RGS5: variants seen among roughly 807,000 people sequenced by gnomAD.
RGS5 encodes the protein regulator of G protein signaling 5.
A neutral mutation model predicts 18.9 loss-of-function variants in RGS5; 20 were observed. That is an observed-to-expected ratio of 1.06 (90% CI 0.74 to 1.54). The LOEUF (loss-of-function observed/expected upper bound fraction) is 1.54. Ranked by LOEUF, RGS5 falls within the 40% of genes most tolerant of loss-of-function variation. RGS5 has a pLI of 0.00. For missense variants in RGS5, 201 were observed against 211.8 expected (o/e 0.95, Z 0.32); for synonymous variants, 57 against 76.2 (o/e 0.75, Z 1.31).
intron 1 of RGS5, among the ~76,000 whole-genome samples, chr1:163,208,644 T>C (rs1196119140): frequency 4.6e-5 from 7 of 150,816 alleles, no homozygotes; most frequent in Admixed American, 2.0e-4. Context: ...AAGGGTATAA[T>C]TGACATAAAC....
At chr1:163,247,397 T>C in intron 2 of RGS5, among the ~76,000 whole-genome samples, 1 of 152,122 alleles carries the variant, frequency 6.6e-6, no homozygotes. Context: ...CCGTATTATC[T>C]GTGACAGGGG....
chr1:163,224,062 A>G (rs1647283101), intron 2 of RGS5, among the ~76,000 whole-genome samples: 1 of 152,172 alleles, frequency 6.6e-6, no homozygotes, highest in Non-Finnish European at 1.5e-5. Flanking sequence ...CCTTGTGGCG[A>G]GAACATTCAA....
chr1:163,264,637 C>T (rs1337220048), intron 2 of RGS5, among the ~76,000 whole-genome samples: 2 of 152,152 alleles, frequency 1.3e-5, no homozygotes, highest in East Asian at 3.9e-4. Context: ...CCTTCTTCCA[C>T]TTTAATAATT....
intron 1 of RGS5, among the ~76,000 whole-genome samples, chr1:163,169,984 T>C (rs1489488842): frequency 1.3e-5 from 2 of 152,292 alleles, no homozygotes; most frequent in East Asian, 3.9e-4. Flanking sequence ...TTCTGGGTAC[T>C]CCTCCATCAC....
intron 4 of RGS5, among the ~76,000 whole-genome samples, chr1:163,148,204 G>A (rs373654753): frequency 4.6e-5 from 7 of 152,126 alleles, no homozygotes; most frequent in African/African-American, 1.7e-4. Context: ...TGGGATTACA[G>A]GTGTGAGCCA....
intron 1 of RGS5, among the ~76,000 whole-genome samples, chr1:163,209,462 A>C (rs946453920): frequency 6.6e-6 from 1 of 152,216 alleles, no homozygotes; most frequent in African/African-American, 2.4e-5. Flanking sequence ...AAATGAATTT[A>C]GGGAGAACTG....
intron 2 of RGS5, among the ~76,000 whole-genome samples, chr1:163,284,274 G>T (rs1649079609): frequency 6.6e-6 from 1 of 152,072 alleles, no homozygotes; most frequent in Non-Finnish European, 1.5e-5. Flanking sequence ...CCCATCTCTT[G>T]TTATCATTCA....
rs1455766459 is a variant in RGS5 at position 163,305,171 on chromosome 1, AG to A, written c.-281+1061del. ...TGTTTCTCTGAAGTTAGGGGCAGGAAGGAGGAACAGAAAAATCATAGGTCAT... is the reference window on the plus strand; with the variant it reads ...TGTTTCTCTGAAGTTAGGGGCAGGAAGAGGAACAGAAAAATCATAGGTCAT... On this transcript the variant is annotated intron_variant, in intron 2 of 5. Transcript: ENST00000618415. 3.3e-5 allele frequency: 5 copies of A among 152,352 alleles called. No individual in the cohort carries two copies. The South Asian group carries it at 1.0e-3, about 32-fold the overall frequency. The allele number at this position is 152,352 out of a possible 1,614,324, so 9.4% of individuals were successfully genotyped here.
At chr1:163,186,470 G>A (rs1428785611) in intron 1 of RGS5, among the ~76,000 whole-genome samples, 2 of 150,958 alleles carry the variant, frequency 1.3e-5, no homozygotes, top group Non-Finnish European at 3.0e-5. Context: ...TCCTAGCTAC[G>A]CGGGAGGCTG....
chr1:163,278,322 G>A (rs779531486), intron 2 of RGS5, among the ~76,000 whole-genome samples: 1 of 152,040 alleles, frequency 6.6e-6, no homozygotes, highest in Non-Finnish European at 1.5e-5. Context: ...CACCTTACAG[G>A]CTGTGAAAAG....
chr1:163,280,517 T>G (rs1648965499), intron 2 of RGS5, among the ~76,000 whole-genome samples: 1 of 152,146 alleles, frequency 6.6e-6, no homozygotes, highest in Non-Finnish European at 1.5e-5. Context: ...GAATCTCATT[T>G]GTAATAGCTT....
chr1:163,289,396 T>A (rs1571343156), intron 2 of RGS5, among the ~76,000 whole-genome samples: 1 of 152,088 alleles, frequency 6.6e-6, no homozygotes, highest in African/African-American at 2.4e-5. Context: ...TACTCTATCA[T>A]TGTACTATAA....
At chr1:163,319,481 C>T (rs555177650) in intron 1 of RGS5, among the ~76,000 whole-genome samples, 1 of 152,286 alleles carries the variant, frequency 6.6e-6, no homozygotes, top group Non-Finnish European at 1.5e-5. Flanking sequence ...CTGAAAGTTA[C>T]AGGACAGGGA....
In RGS5 at chr1:163,263,836, T is replaced by C. The variant is rs181417832; in HGVS notation, c.-281+42397A>G. 2.7e-3 allele frequency among the ~76,000 whole-genome samples: 410 copies of C among 151,360 alleles called. 2 individuals carry two copies. The highest frequency in any genetic ancestry group is 9.5e-3 in the African/African-American group (393 of 41,206). On this transcript the variant is annotated intron_variant, in intron 2 of 5. Transcript: ENST00000618415. ...AATAAGACCTGAACCATCCATTTTTTATGTTGTTTTTAAGTAGGATACTAG... is the reference window on the plus strand; with the variant it reads ...AATAAGACCTGAACCATCCATTTTTCATGTTGTTTTTAAGTAGGATACTAG...
intron 2 of RGS5, among the ~76,000 whole-genome samples, chr1:163,228,499 G>C (rs1001751791): frequency 6.6e-6 from 1 of 152,178 alleles, no homozygotes; most frequent in Non-Finnish European, 1.5e-5. Context: ...ACCCGGCCCA[G>C]GACACCATTT....
intron 2 of RGS5, among the ~76,000 whole-genome samples, chr1:163,163,147 T>C (rs570146836): frequency 6.6e-6 from 1 of 152,284 alleles, no homozygotes; most frequent in East Asian, 1.9e-4. Context: ...CCTCACTTTA[T>C]TTATGTAAGG....
intron 2 of RGS5, among the ~76,000 whole-genome samples, chr1:163,289,442 AAATG>A (rs1190990502): frequency 6.6e-6 from 1 of 152,072 alleles, no homozygotes; most frequent in African/African-American, 2.4e-5. Flanking sequence ...AGAACGCATG[AAATG>A]AATGGCTGTC....
chr1:163,301,837 A>C (rs1473034198), intron 2 of RGS5, among the ~76,000 whole-genome samples: 1 of 152,170 alleles, frequency 6.6e-6, no homozygotes, highest in Non-Finnish European at 1.5e-5. Context: ...TCTTGCTTTC[A>C]CTTCATAATT....
chr1:163,149,333 T>C (rs1484805807), intron 4 of RGS5, among the ~76,000 whole-genome samples: 1 of 152,210 alleles, frequency 6.6e-6, no homozygotes, highest in Non-Finnish European at 1.5e-5. Flanking sequence ...CTGAAAGCAA[T>C]GCTTCTTCCT....
Sources: allele counts gnomAD v4.1 joint callset (sites outside exome capture counted in the v4.1 genomes callset), GRCh38; gene constraint gnomAD v4.1.1; transcripts MANE v1.5; gene names NCBI Gene and HGNC (gene_info 2026-07-23, HGNC 2026-07-21).